Variants in CAMKMT observed in about 807,000 individuals in gnomAD.
The protein encoded by CAMKMT is calmodulin-lysine N-methyltransferase, also known as CaM KMT.
Under a neutral mutation model 48.0 loss-of-function variants are expected in CAMKMT, and 53 were observed. That is an observed-to-expected ratio of 1.10 (90% CI 0.89 to 1.39). The LOEUF (loss-of-function observed/expected upper bound fraction) is 1.39, where lower values mean the gene tolerates loss of function less well. Among genes scored for constraint, CAMKMT ranks in the 40% most tolerant of loss-of-function variants. The pLI is 0.00. For synonymous variants in CAMKMT, 165 were observed against 152.3 expected (o/e 1.08, Z -0.61); for missense variants, 428 against 402.7 (o/e 1.06, Z -0.54).
At chr2:44,554,102 C>G (rs1019842867) in intron 3 of CAMKMT, among the ~76,000 whole-genome samples, 1 of 152,184 alleles carries the variant, frequency 6.6e-6, no homozygotes, top group Admixed American at 6.5e-5. Context: ...TTTGCTAACT[C>G]ATTCATTCAT....
intron 3 of CAMKMT, among the ~76,000 whole-genome samples, chr2:44,493,461 A>G (rs538198732): frequency 6.6e-6 from 1 of 152,294 alleles, no homozygotes; most frequent in South Asian, 2.1e-4. Context: ...ACAACCCCAG[A>G]GGATGTACTG....
intron 3 of CAMKMT, among the ~76,000 whole-genome samples, chr2:44,540,203 C>T (rs1667022776): frequency 6.6e-6 from 1 of 151,434 alleles, no homozygotes; most frequent in Admixed American, 6.6e-5. Flanking sequence ...TTAATTGATT[C>T]CTGTGTTATT....
chr2:44,483,617 C>A (rs1013617845), intron 3 of CAMKMT, among the ~76,000 whole-genome samples: 3 of 151,968 alleles, frequency 2.0e-5, no homozygotes, highest in Non-Finnish European at 4.4e-5. Context: ...AATTAAAGGA[C>A]AAGAACATAT....
chr2:44,446,812 T>A (rs542261393), intron 3 of CAMKMT, among the ~76,000 whole-genome samples: 5 of 152,352 alleles, frequency 3.3e-5, no homozygotes, highest in African/African-American at 1.2e-4. Flanking sequence ...AGTCTTTCTA[T>A]CTGAAGTTTA....
At chr2:44,473,784 A>T (rs530858595) in intron 3 of CAMKMT, among the ~76,000 whole-genome samples, 3 of 152,338 alleles carry the variant, frequency 2.0e-5, no homozygotes, top group African/African-American at 4.8e-5. Context: ...ATGCGGTGAG[A>T]ATTCAACTAC....
chr2:44,492,628 G>A lies in CAMKMT; in HGVS notation c.376+102323G>A, dbSNP rs550771081. On this transcript the variant is annotated intron_variant, in intron 3 of 10. Transcript: ENST00000378494. ...AATCTTTCTTGGACCCAATATCACC[G>A]ATGATGTTGGTTTGTGGGTTGGGCC... 1.3e-4 allele frequency among the ~76,000 whole-genome samples: 20 copies of A among 152,198 alleles called. No homozygotes were observed. The East Asian group carries it at 2.9e-3, about 22-fold the overall frequency.
intron 3 of CAMKMT, among the ~76,000 whole-genome samples, chr2:44,632,364 C>T (rs1672882306): frequency 6.6e-6 from 1 of 152,022 alleles, no homozygotes; most frequent in East Asian, 1.9e-4. Flanking sequence ...ACACTTTTCT[C>T]TGGATAAATT....
intron 1 of CAMKMT, among the ~76,000 whole-genome samples, chr2:44,371,119 G>C (rs767411005): frequency 1.8e-4 from 27 of 152,140 alleles, no homozygotes; most frequent in Admixed American, 1.8e-3. Flanking sequence ...CCATCAGCTG[G>C]GATTACAGGC....
chr2:44,559,396 ATGTGTTCCTCTC>A (rs1468538114), intron 3 of CAMKMT, among the ~76,000 whole-genome samples: 6 of 152,190 alleles, frequency 3.9e-5, no homozygotes, highest in Non-Finnish European at 8.8e-5. Context: ...TCAAGAGCCT[ATGTGTTCCTCTC>A]TGTGATAATG....
At chr2:44,456,109 T>C (rs933788941) in intron 3 of CAMKMT, among the ~76,000 whole-genome samples, 1 of 152,188 alleles carries the variant, frequency 6.6e-6, no homozygotes, top group African/African-American at 2.4e-5. Context: ...TTCAAATATT[T>C]GTTCAGTAAA....
intron 3 of CAMKMT, among the ~76,000 whole-genome samples, chr2:44,537,402 T>C (rs1666834969): frequency 6.6e-6 from 1 of 152,146 alleles, no homozygotes; most frequent in Admixed American, 6.5e-5. Flanking sequence ...AAATGGCCAG[T>C]AGGTATATGA....
chr2:44,524,008 C>G (rs1330092664), intron 3 of CAMKMT, among the ~76,000 whole-genome samples: 1 of 151,990 alleles, frequency 6.6e-6, no homozygotes. Flanking sequence ...AACTCCTGAC[C>G]TCAGGTGATC....
At chr2:44,386,462 G>C (rs1250377851) in intron 2 of CAMKMT, among the ~76,000 whole-genome samples, 1 of 151,960 alleles carries the variant, frequency 6.6e-6, no homozygotes, top group Non-Finnish European at 1.5e-5. Context: ...CAAAGAACCA[G>C]CTTTTTCTTT....
chr2:44,670,178 G>A (rs922318068), intron 3 of CAMKMT, among the ~76,000 whole-genome samples: 5 of 152,126 alleles, frequency 3.3e-5, no homozygotes, highest in African/African-American at 7.2e-5. Flanking sequence ...GTTTACTGTT[G>A]TTATGGTGCC....
At chr2:44,709,362 G>C (rs1677744836) in intron 6 of CAMKMT, among the ~76,000 whole-genome samples, 1 of 152,182 alleles carries the variant, frequency 6.6e-6, no homozygotes, top group Non-Finnish European at 1.5e-5. Flanking sequence ...AAAACTGGTA[G>C]TGTGTTTTAT....
chr2:44,421,222 A>G (rs1067376), intron 3 of CAMKMT, among the ~76,000 whole-genome samples: 114,613 of 152,060 alleles, frequency 0.75, 44,353 homozygotes, highest in African/African-American at 0.9. Context: ...TACTTTCTTC[A>G]TGAGCAGTGA....
At chr2:44,475,266 A>G (rs570684990) in intron 3 of CAMKMT, among the ~76,000 whole-genome samples, 1 of 152,288 alleles carries the variant, frequency 6.6e-6, no homozygotes, top group African/African-American at 2.4e-5. Context: ...GGAATATAGA[A>G]TGGACCTTAT....
In CAMKMT at chr2:44,715,312, T is replaced by A. The variant is rs767311255; in HGVS notation, c.582T>A (p.Asn194Lys). The A allele has an allele frequency of 6.2e-7, 1 of 1,612,874 alleles. No homozygotes were observed. The highest frequency in any genetic ancestry group is 8.5e-7 in the Non-Finnish European group (1 of 1,179,340). Residue 194 changes from asparagine to lysine, a missense_variant, in exon 7 of 11, where the codon AAT becomes AAA. Transcript: ENST00000378494. ...IRNVQDIITR[N>K]QKAGVFKTQK... ...ATGTGCAAGACATCATCACAAGGAA[T>A]CAGAAGGCTGGTGTGTTTAAGACCC...
chr2:44,485,230 C>T (rs922603701), intron 3 of CAMKMT, among the ~76,000 whole-genome samples: 2 of 152,104 alleles, frequency 1.3e-5, no homozygotes, highest in African/African-American at 2.4e-5. Context: ...AATGTGTGCA[C>T]CAAAAGACGT....
Sources: gnomAD v4.1 joint callset for allele counts (sites outside exome capture counted in the v4.1 genomes callset) on GRCh38, gnomAD v4.1.1 for gene constraint, MANE v1.5 for transcripts, NCBI Gene and HGNC (gene_info 2026-07-23, HGNC 2026-07-21) for gene names.